The following PLA2R1 variants were observed in gnomAD, a reference collection of about 807,000 sequenced individuals.
The protein encoded by PLA2R1 is secretory phospholipase A2 receptor.
In PLA2R1, 158 loss-of-function variants were observed where a neutral mutation model predicts 195.9. That is an observed-to-expected ratio of 0.81 (90% CI 0.71 to 0.92). PLA2R1 has a LOEUF of 0.92. PLA2R1 is among the 40% of genes least tolerant of loss of function. The pLI is 0.00. For synonymous variants in PLA2R1, 586 were observed against 598.2 expected (o/e 0.98, Z 0.30); for missense variants, 1,626 against 1,764.6 (o/e 0.92, Z 1.41).
rs751363648 is a variant in PLA2R1, at chr2:160,042,066, C to T, written c.626G>A (p.Arg209His). 3.1e-5 allele frequency: 50 copies of T among 1,613,980 alleles called. No individual in the cohort carries two copies. In the Admixed American group the frequency reaches 3.2e-4, roughly 10 times the overall value. Residue 209 changes from arginine (R) to histidine (H), a missense_variant, in exon 3 of 30, where the codon CGT becomes CAT. By Grantham distance (29) the Arg-to-His change is conservative. Coordinates refer to ENST00000283243, the MANE Select transcript of PLA2R1 (RefSeq NM_007366.5). ...DDLLWCATTS[R>H]YERDEKWGFC... The stretch of plus-strand genomic sequence containing the variant: ...TCCCCACTTTTCATCTCTTTCATAA[C>T]GGCTTGTCGTGGCACACCACAGTAA...
chr2:159,998,843 A>G (rs1294111257), intron 11 of PLA2R1, among the ~76,000 whole-genome samples: 1 of 152,128 alleles, frequency 6.6e-6, no homozygotes, highest in East Asian at 1.9e-4. Flanking sequence ...AACTTTTATG[A>G]TAACTTCAAT....
chr2:159,960,657 A>G (rs1688379481), intron 20 of PLA2R1, among the ~76,000 whole-genome samples: 1 of 152,182 alleles, frequency 6.6e-6, no homozygotes, highest in Non-Finnish European at 1.5e-5. Flanking sequence ...TCTTCCTCCC[A>G]CAGATCTGCT....
In PLA2R1 at chr2:159,976,230, A is replaced by G; in HGVS notation, c.2438-5T>C. On this transcript the variant is annotated splice_region_variant and splice_polypyrimidine_tract_variant and intron_variant, in intron 16 of 29. Transcript: ENST00000283243. ...GATAAAAGAGCCAGGGTACATCTGA[A>G]AAAGAAACAGTGAAAATAATGCTGA... is the stretch of plus-strand genomic sequence containing the variant. 1 of 1,592,124 alleles carries G rather than the reference A, an allele frequency of 6.3e-7. No homozygotes were observed. Among genetic ancestry groups the G allele is most frequent in the Non-Finnish European group, 8.6e-7 (1 of 1,166,800 alleles).
Position 160,005,182 on chromosome 2 carries a change from A to G in PLA2R1, c.1834+470T>C, listed in dbSNP as rs138554213. Among the ~76,000 whole-genome samples, 439 of 152,300 alleles carry G rather than the reference A, an allele frequency of 2.9e-3. 1 individual carries two copies. The highest frequency in any genetic ancestry group is 9.9e-3 in the African/African-American group (410 of 41,564). On this transcript the variant is annotated intron_variant, in intron 11 of 29. Transcript: ENST00000283243. The stretch of plus-strand genomic sequence containing the variant: ...TTAAAAATGACCATTGGGCCAGGCA[A>G]TTTGGCTCATGTCTATAATCCCAGC...
In PLA2R1 at chr2:160,042,839, GTGTA is replaced by G. The variant is rs1316483271; in HGVS notation, c.494-645_494-642del. On this transcript the variant is annotated intron_variant, in intron 2 of 29. Coordinates refer to ENST00000283243, the MANE Select transcript of PLA2R1 (RefSeq NM_007366.5). ...TGTGTGTGTGTGTGTGTGTGTGTGTGTGTATGTGTGAGACAGAGGGAGAGAGAGA... is the reference window on the plus strand; with the variant it reads ...TGTGTGTGTGTGTGTGTGTGTGTGTGTGTGTGAGACAGAGGGAGAGAGAGA... Among the ~76,000 whole-genome samples, 364 of 66,024 alleles carry G rather than the reference GTGTA, an allele frequency of 5.5e-3. 7 individuals are homozygous for G. The highest frequency in any genetic ancestry group is 0.016 in the East Asian group (40 of 2,442). 43.3% of individuals were successfully genotyped at this position (66,024 alleles called of 152,430 possible).
At chr2:160,048,101 G>C (rs1694993736) in intron 1 of PLA2R1, among the ~76,000 whole-genome samples, 1 of 152,142 alleles carries the variant, frequency 6.6e-6, no homozygotes, top group Non-Finnish European at 1.5e-5. Context: ...CCAAAGTGCT[G>C]GGACTACAGG....
intron 8 of PLA2R1, among the ~76,000 whole-genome samples, chr2:160,019,340 A>G (rs958791284): frequency 6.6e-6 from 1 of 152,172 alleles, no homozygotes; most frequent in African/African-American, 2.4e-5. Context: ...TCATCACAGC[A>G]GTCAATGGCA....
At chr2:159,926,962 A>C in the PLA2R1 span, among the ~76,000 whole-genome samples, 1 of 152,152 alleles carries the variant, frequency 6.6e-6, no homozygotes, top group African/African-American at 2.4e-5. Flanking sequence ...AAGGGGTCCC[A>C]AATCTCCAAA....
downstream of PLA2R1, among the ~76,000 whole-genome samples, chr2:159,927,717 T>G (rs943752013): frequency 6.6e-6 from 1 of 152,180 alleles, no homozygotes; most frequent in Non-Finnish European, 1.5e-5. Context: ...TTTCTCTGAT[T>G]TTATGGTCTG....
At chr2:159,976,371 C>T (rs1689556731) in intron 16 of PLA2R1, 146 bp from the exon 17 acceptor site, 3 of 618,478 alleles carry the variant, frequency 4.9e-6, no homozygotes, top group Admixed American at 6.4e-5. Flanking sequence ...GACACATATG[C>T]ACATAAATAG....
rs758430834 is a variant in PLA2R1 at position 160,005,809 on chromosome 2, A to G, written c.1677T>C (p.Ala559=). ...CACTACTGATCAAACTGGTAATAAA[A>G]GCCTGTTCAAACCTTAAAAGGGGAA... is the stretch of plus-strand genomic sequence containing the variant. The part of the protein sequence containing the change: ...LVTITNRFEQ[A]FITSLISSVV... The change falls in exon 11 of 30, where the codon GCT becomes GCC. Residue 559 remains alanine (A), a synonymous_variant. Coordinates refer to ENST00000283243, the MANE Select transcript of PLA2R1 (RefSeq NM_007366.5). The G allele has an allele frequency of 3.1e-6, 5 of 1,611,454 alleles. No homozygotes were observed. In the East Asian group the frequency reaches 8.9e-5, roughly 29 times the overall value.
rs1457792132 is a variant in PLA2R1 at position 160,036,089 on chromosome 2, C to A, written c.668-2957G>T. Among the ~76,000 whole-genome samples, 3 of 152,028 alleles carry A rather than the reference C, an allele frequency of 2.0e-5. 1 individual carries two copies. The highest frequency in any genetic ancestry group is 2.9e-5 in the Non-Finnish European group (2 of 68,016). ...GAGGCCTTAAGACTTGGCCCTGAGC[C>A]CCCTTCCTTTCTATTCTATACATTC... is the stretch of plus-strand genomic sequence containing the variant. On this transcript the variant is annotated intron_variant, in intron 3 of 29. Transcript: ENST00000283243.
chr2:160,024,338 G>A (rs576121962), intron 6 of PLA2R1, among the ~76,000 whole-genome samples: 63 of 152,230 alleles, frequency 4.1e-4, no homozygotes, highest in South Asian at 2.3e-3. Context: ...AAGTTGCCAC[G>A]AGCTGCTCCA....
chr2:159,999,760 A>G (rs898633740), intron 11 of PLA2R1, among the ~76,000 whole-genome samples: 14 of 152,138 alleles, frequency 9.2e-5, no homozygotes, highest in African/African-American at 3.4e-4. Context: ...GAAAGAAAAA[A>G]TTTTTAAAAA....
chr2:159,989,428 G>T (rs1194499888), intron 11 of PLA2R1, among the ~76,000 whole-genome samples: 1 of 152,172 alleles, frequency 6.6e-6, no homozygotes. Context: ...CACACATCCT[G>T]CTCCATTCCC....
chr2:160,025,901 A>G (rs774805400), intron 6 of PLA2R1, among the ~76,000 whole-genome samples: 117 of 152,212 alleles, frequency 7.7e-4, no homozygotes, highest in Admixed American at 1.7e-3. Flanking sequence ...GAAAAAGGAT[A>G]CAAGTAGCAG....
At chr2:159,946,055 A>C in intron 27 of PLA2R1, 1 of 981,884 alleles carries the variant, frequency 1.0e-6, no homozygotes, top group Non-Finnish European at 1.2e-6. Context: ...TTTAATACCA[A>C]GCCAGCCATG....
chr2:159,971,180 T>C (rs1294581741), intron 17 of PLA2R1, among the ~76,000 whole-genome samples: 1 of 152,164 alleles, frequency 6.6e-6, no homozygotes, highest in Non-Finnish European at 1.5e-5. Context: ...AAAATTAAAC[T>C]GTATAACAAA....
At chr2:159,983,827 A>G in intron 13 of PLA2R1, 101 bp downstream of exon 13, 1 of 585,208 alleles carries the variant, frequency 1.7e-6, no homozygotes, top group South Asian at 2.9e-5. Flanking sequence ...TAATACAAAT[A>G]TGGGAATTTT....
Sources: gnomAD v4.1 joint callset for allele counts (sites outside exome capture counted in the v4.1 genomes callset) on GRCh38, gnomAD v4.1.1 for gene constraint, MANE v1.5 for transcripts, NCBI Gene and HGNC (gene_info 2026-07-23, HGNC 2026-07-21) for gene names.